NDUFA10: variants seen among roughly 807,000 people sequenced by gnomAD.
NDUFA10 encodes NADH:ubiquinone oxidoreductase subunit A10.
Under a neutral mutation model 47.8 loss-of-function variants are expected in NDUFA10, and 40 were observed. That is an observed-to-expected ratio of 0.84 (90% CI 0.65 to 1.09). The LOEUF (loss-of-function observed/expected upper bound fraction) is 1.09, where lower values mean the gene tolerates loss of function less well. Ranked by LOEUF, NDUFA10 falls within the 50% of genes least tolerant of loss-of-function variation. The pLI, the probability that NDUFA10 is intolerant of heterozygous loss-of-function variation, is 0.00. For missense variants in NDUFA10, 413 were observed against 451.1 expected, an observed-to-expected ratio of 0.92 and a Z score of 0.76; for synonymous variants, 183 against 172.2, an observed-to-expected ratio of 1.06 and a Z score of -0.49.
chr2:239,981,506 T>A (rs1695772003), intron 9 of NDUFA10, among the ~76,000 whole-genome samples: 2 of 151,772 alleles, frequency 1.3e-5, no homozygotes, highest in African/African-American at 2.4e-5. Flanking sequence ...TAAAGAAAAA[T>A]TCAAATCTAG....
At chr2:239,934,878 T>C (rs1694238897) in intron 4 of NDUFA10, among the ~76,000 whole-genome samples, 1 of 151,948 alleles carries the variant, frequency 6.6e-6, no homozygotes, top group African/African-American at 2.4e-5. Flanking sequence ...ACAACCCCAC[T>C]CCCTCTCGCT....
At chr2:240,022,466 T>C in intron 1 of NDUFA10, 126 bp from the exon 2 acceptor site, 1 of 1,394,726 alleles carries the variant, frequency 7.2e-7, no homozygotes, top group Non-Finnish European at 9.9e-7. Context: ...TACATCTTTA[T>C]TGCCTATTAA....
At chr2:239,980,772 C>T (rs536746052) in intron 9 of NDUFA10, among the ~76,000 whole-genome samples, 4 of 152,190 alleles carry the variant, frequency 2.6e-5, no homozygotes, top group Non-Finnish European at 4.4e-5. Flanking sequence ...GAGTGGTGAG[C>T]TGAAGCCGCG....
intron 9 of NDUFA10, among the ~76,000 whole-genome samples, chr2:239,969,160 A>T (rs1013473131): frequency 6.6e-6 from 1 of 152,232 alleles, no homozygotes; most frequent in African/African-American, 2.4e-5. Context: ...AGGGGAAAAT[A>T]TCAAGCCAAC....
chr2:239,983,255 A>G (rs2106431689), intron 9 of NDUFA10, among the ~76,000 whole-genome samples: 1 of 152,212 alleles, frequency 6.6e-6, no homozygotes, highest in Non-Finnish European at 1.5e-5. Context: ...AGAAGCCACA[A>G]ACCTTCCCAG....
intron 4 of NDUFA10, among the ~76,000 whole-genome samples, chr2:239,934,904 C>G (rs947661967): frequency 2.0e-5 from 3 of 152,186 alleles, no homozygotes; most frequent in Non-Finnish European, 2.9e-5. Flanking sequence ...GGTTTCAATC[C>G]AAGCTCCCAC....
intron 9 of NDUFA10, among the ~76,000 whole-genome samples, chr2:239,986,699 T>A (rs1425686802): frequency 6.6e-6 from 1 of 152,196 alleles, no homozygotes; most frequent in African/African-American, 2.4e-5. Flanking sequence ...CAGAAAATTA[T>A]AATTTGGCAA....
chr2:239,955,237 C>A (rs796891794), downstream of NDUFA10, among the ~76,000 whole-genome samples: 14 of 152,026 alleles, frequency 9.2e-5, no homozygotes, highest in African/African-American at 3.4e-4. Context: ...GGGCGGGGGG[C>A]GAGGTCTGCT....
At chr2:239,921,985 C>A in intron 4 of NDUFA10, among the ~76,000 whole-genome samples, 1 of 142,320 alleles carries the variant, frequency 7.0e-6, no homozygotes, top group Admixed American at 7.1e-5. Flanking sequence ...TCCTTCTTTC[C>A]TTCCCTCCCT....
At chr2:239,900,315 CATAT>C (rs142452963) in intron 4 of NDUFA10, among the ~76,000 whole-genome samples, 3,198 of 139,372 alleles carry the variant, frequency 0.023, 43 homozygotes, top group Non-Finnish European at 0.036. Context: ...AACTCCCCTT[CATAT>C]ATATATATAT....
chr2:239,907,547 A>C (rs945317534), intron 4 of NDUFA10, among the ~76,000 whole-genome samples: 3 of 152,254 alleles, frequency 2.0e-5, no homozygotes, highest in African/African-American at 4.8e-5. Context: ...AAACAAATTT[A>C]CAAGAAAAAA....
intron 4 of NDUFA10, among the ~76,000 whole-genome samples, chr2:239,910,730 G>GAA (rs144628561): frequency 1.3e-5 from 2 of 151,804 alleles, no homozygotes; most frequent in East Asian, 3.9e-4. Flanking sequence ...GAAAGTGGAA[G>GAA]AAAAAAATAA....
intron 4 of NDUFA10, among the ~76,000 whole-genome samples, chr2:240,017,233 C>T (rs556981141): frequency 6.6e-6 from 1 of 152,304 alleles, no homozygotes; most frequent in East Asian, 1.9e-4. Context: ...GGACAGAAGC[C>T]AAGCATCCTC....
chr2:239,959,538 G>A lies in NDUFA10; in HGVS notation c.*1580C>T. On this transcript the variant is annotated 3_prime_UTR_variant, in exon 10 of 10. Coordinates refer to ENST00000252711, the MANE Select transcript of NDUFA10 (RefSeq NM_004544.4). The stretch of plus-strand genomic sequence containing the variant: ...CATGATTAAAGCTGTTGGTTTCCTA[G>A]TGAAATGCAAAACTTCAGCCACTTA... 5.1e-6 allele frequency: 5 copies of A among 985,448 alleles called. No homozygotes were observed. Among genetic ancestry groups the A allele is most frequent in the Non-Finnish European group, 6.0e-6 (5 of 829,948 alleles). 61.0% of individuals were successfully genotyped at this position (985,448 alleles called of 1,614,324 possible).
intron 4 of NDUFA10, 148 bp downstream of exon 4, chr2:240,018,405 C>T: frequency 6.5e-7 from 1 of 1,550,302 alleles, no homozygotes. Flanking sequence ...TTAGGAAGTT[C>T]CTTTTTCCAG....
intron 4 of NDUFA10, among the ~76,000 whole-genome samples, chr2:239,909,791 C>G (rs148860227): frequency 7.2e-5 from 11 of 152,092 alleles, no homozygotes; most frequent in African/African-American, 2.7e-4. Flanking sequence ...GCAAAAGAAA[C>G]TATCTATCAT....
rs765341016 is a variant in NDUFA10 at position 240,022,195 on chromosome 2, G to C, written c.221C>G (p.Ala74Gly). ...GNICTGKGKL[A>G]KEIAEKLGFK... ...ACCTAGTTTCTCTGCTATTTCTTTT[G>C]CAAGTTTGCCTTTTCCAGTACATAT... is the stretch of plus-strand genomic sequence containing the variant. The change falls in exon 2 of 10, where the codon GCA (alanine) becomes GGA (glycine). Residue 74 changes from alanine (A) to glycine (G), a missense_variant. Ala to Gly is a moderately conservative substitution (Grantham distance 60). Coordinates refer to ENST00000252711, the MANE Select transcript of NDUFA10 (RefSeq NM_004544.4). 3.1e-6 allele frequency: 5 copies of C among 1,613,050 alleles called. No homozygotes were observed. The South Asian group carries it at 5.5e-5, about 18-fold the overall frequency.
intron 9 of NDUFA10, among the ~76,000 whole-genome samples, chr2:239,983,050 G>A (rs941205801): frequency 6.6e-6 from 1 of 152,212 alleles, no homozygotes; most frequent in Non-Finnish European, 1.5e-5. Context: ...CTTCACACAA[G>A]ACATTTCAGT....
At position 239,959,279 on chromosome 2, in the gene NDUFA10, C is replaced by G. The variant is rs1219409722; in HGVS notation, c.*1839G>C. 9.1e-6 allele frequency: 9 copies of G among 985,476 alleles called. No homozygotes were observed. The highest frequency in any genetic ancestry group is 1.1e-5 in the Non-Finnish European group (9 of 829,952). The allele number at this position is 985,476 out of a possible 1,614,324, so 61.0% of individuals were successfully genotyped here. A position where few individuals can be genotyped will look rare whatever the true frequency, so the allele number is the denominator to read the frequency against. On this transcript the variant is annotated 3_prime_UTR_variant, in exon 10 of 10. Coordinates refer to ENST00000252711, the MANE Select transcript of NDUFA10 (RefSeq NM_004544.4). ...CATGGTTGGAGAGCTCTGCCCCTCA[C>G]AAGGGCAATCCTGACCACAGGGCAG...
Sources: allele counts gnomAD v4.1 joint callset (sites outside exome capture counted in the v4.1 genomes callset), GRCh38; gene constraint gnomAD v4.1.1; transcripts MANE v1.5; gene names NCBI Gene and HGNC (gene_info 2026-07-23, HGNC 2026-07-21).